The following PSD4 variants were observed in gnomAD, a reference collection of about 807,000 sequenced individuals.
The protein encoded by PSD4 is pleckstrin and Sec7 domain containing 4, also known as PH and SEC7 domain-containing protein 4.
A neutral mutation model predicts 112.5 loss-of-function variants in PSD4; 59 were observed. That is an observed-to-expected ratio of 0.52 (90% CI 0.43 to 0.65). The LOEUF is 0.65. Among genes scored for constraint, PSD4 ranks in the 30% least tolerant of loss-of-function variants. The pLI, the probability that PSD4 is intolerant of heterozygous loss-of-function variation, is 0.00. For synonymous variants in PSD4, 533 were observed against 540.0 expected (o/e 0.99, Z 0.18); for missense variants, 1,267 against 1,352.6 (o/e 0.94, Z 0.99).
rs755762353 is a variant in PSD4 at position 113,185,376 on chromosome 2, C to T, written c.1185C>T (p.Ser395=). The T allele has an allele frequency of 1.2e-6, 2 of 1,614,172 alleles. No homozygotes were observed. Among genetic ancestry groups the T allele is most frequent in the Non-Finnish European group, 1.7e-6 (2 of 1,180,030 alleles). Residue 395 remains serine, a synonymous_variant, in exon 4 of 17, where the codon AGC becomes AGT. Coordinates refer to ENST00000245796, the MANE Select transcript of PSD4 (RefSeq NM_012455.3). ...AHPVQPWASL[S]PEGWQRGGPF... Reference sequence around the variant, plus strand: ...GCCTCTCTCAACAGGCCTCTCTCAGCCCTGAGGGCTGGCAGAGAGGAGGTC... The same window carrying T: ...GCCTCTCTCAACAGGCCTCTCTCAGTCCTGAGGGCTGGCAGAGAGGAGGTC...
rs767770918 is a variant in PSD4, at chr2:113,197,726, C to G, written c.2458-21C>G. On this transcript the variant is annotated intron_variant, in intron 13 of 16. Transcript: ENST00000245796. ...TGGGCAGCTGATGATAACCTCTTCTCTGAGCCCCTGTGACTGGTAGCAGGG... is the reference window on the plus strand; with the variant it reads ...TGGGCAGCTGATGATAACCTCTTCTGTGAGCCCCTGTGACTGGTAGCAGGG... The G allele has an allele frequency of 4.4e-6, 7 of 1,607,782 alleles. No homozygotes were observed. In the Admixed American group the frequency reaches 5.0e-5, roughly 12 times the overall value.
At chr2:113,201,130 C>A (rs1335293708) in intron 16 of PSD4, 28 bp from the exon 17 acceptor site, 2 of 1,586,408 alleles carry the variant, frequency 1.3e-6, no homozygotes, top group Admixed American at 1.7e-5. Flanking sequence ...CAGGATGGTG[C>A]TAAGGTGGTG....
intron 12 of PSD4, among the ~76,000 whole-genome samples, chr2:113,196,783 G>A (rs1199107460): frequency 6.6e-6 from 1 of 152,234 alleles, no homozygotes; most frequent in Non-Finnish European, 1.5e-5. Context: ...ATCCCCCACA[G>A]AGAAAACAGC....
At chr2:113,182,011 G>A (rs980488241) in intron 1 of PSD4, among the ~76,000 whole-genome samples, 1 of 151,270 alleles carries the variant, frequency 6.6e-6, no homozygotes, top group African/African-American at 2.4e-5. Context: ...AGTTCCTGCT[G>A]CCAACCACCT....
At chr2:113,198,579 A>T in intron 14 of PSD4, 161 bp from the exon 15 acceptor site, 2 of 808,182 alleles carry the variant, frequency 2.5e-6, no homozygotes, top group Non-Finnish European at 3.5e-6. Context: ...AAGAAATGCC[A>T]CGGTCAGAGG....
Position 113,183,011 on chromosome 2 carries a change from A to T in PSD4, c.555A>T (p.Lys185Asn), listed in dbSNP as rs753334502. 1.2e-6 allele frequency: 2 copies of T among 1,614,090 alleles called. No individual in the cohort carries two copies. Among genetic ancestry groups the T allele is most frequent in the Non-Finnish European group, 1.7e-6 (2 of 1,179,980 alleles). Residue 185 changes from lysine (K) to asparagine (N), a missense_variant, in exon 2 of 17, where the codon AAA becomes AAT. Coordinates refer to ENST00000245796, the MANE Select transcript of PSD4 (RefSeq NM_012455.3). ...EKTEGLKAGL[K>N]CCLPTPPVDL... is the part of the protein sequence containing the mutation. ...CGGAAGGGCTCAAGGCTGGGCTGAA[A>T]TGCTGTCTCCCCACGCCCCCTGTGG...
At position 113,198,902 on chromosome 2, in the gene PSD4, G is replaced by A; in HGVS notation, c.2769+18G>A. 1 of 1,566,148 alleles carries A rather than the reference G, an allele frequency of 6.4e-7. No homozygotes were observed. On this transcript the variant is annotated intron_variant, in intron 15 of 16. Coordinates refer to ENST00000245796, the MANE Select transcript of PSD4 (RefSeq NM_012455.3). ...GCTCCCTGGTACGGCCTCCGGGAAGGGGTGGGGTCCGGCGGAACTGGGAAT... is the reference window on the plus strand; with the variant it reads ...GCTCCCTGGTACGGCCTCCGGGAAGAGGTGGGGTCCGGCGGAACTGGGAAT...
Position 113,195,633 on chromosome 2 carries a change from G to C in PSD4, c.2182-94G>C, listed in dbSNP as rs1047677762. On this transcript the variant is annotated intron_variant, in intron 10 of 16. Transcript: ENST00000245796. ...ATGTTGTGGGTGGAGGAGGCAGGCT[G>C]TACACATGCCCCTATCCTACCTCTG... 6 of 1,392,960 alleles carry C rather than the reference G, an allele frequency of 4.3e-6. No individual in the cohort carries two copies. In the African/African-American group the frequency reaches 8.5e-5, roughly 20 times the overall value. 86.3% of individuals were successfully genotyped at this position (1,392,960 alleles called of 1,614,324 possible). A position where few individuals can be genotyped will look rare whatever the true frequency, so the allele number is the denominator to read the frequency against.
intron 6 of PSD4, 126 bp downstream of exon 6, chr2:113,192,715 CT>C: frequency 1.0e-6 from 1 of 994,154 alleles, no homozygotes. Flanking sequence ...ATCTCCCCTC[CT>C]AACTTTTCCC....
At chr2:113,190,555 C>T (rs143933700) in intron 5 of PSD4, among the ~76,000 whole-genome samples, 1 of 152,298 alleles carries the variant, frequency 6.6e-6, no homozygotes, top group African/African-American at 2.4e-5. Flanking sequence ...CCACTTCAGC[C>T]TCCCAAGTAA....
chr2:113,204,056 C>G lies in PSD4; in HGVS notation c.*2641C>G, dbSNP rs45572031. 6.6e-6 allele frequency: 1 copy of G among 152,366 alleles called. No homozygotes were observed. The highest frequency in any genetic ancestry group is 2.4e-5 in the African/African-American group (1 of 41,568). The allele number at this position is 152,366 out of a possible 1,614,324, so 9.4% of individuals were successfully genotyped here. On this transcript the variant is annotated 3_prime_UTR_variant, in exon 17 of 17. Transcript: ENST00000245796. ...GCCCAGGCACCTCTGCCTGGAGGGT[C>G]TGGGTTGTGGGCTGCAGTTATGACA...
intron 2 of PSD4, 25 bp downstream of exon 2, chr2:113,183,537 C>T (rs765206916): frequency 2.2e-5 from 34 of 1,511,816 alleles, no homozygotes; most frequent in South Asian, 5.2e-5. Context: ...GGGAACCAAC[C>T]GGGGCTGTGC....
chr2:113,181,002 G>C (rs901230915), intron 1 of PSD4, among the ~76,000 whole-genome samples: 1 of 151,736 alleles, frequency 6.6e-6, no homozygotes, highest in East Asian at 1.9e-4. Context: ...CAGATCACTT[G>C]AGGTCAGGAG....
At position 113,206,723 on chromosome 2, in the gene PSD4, AT is replaced by A. The variant is rs1166378556; in HGVS notation, c.*5310del. ...AGAAGGGACACCTGTGAGGTTAGCT[AT>A]TAATTCATAGCCTCACCAGACTTAC... On this transcript the variant is annotated 3_prime_UTR_variant, in exon 17 of 17. Transcript: ENST00000245796. 8.5e-5 allele frequency: 13 copies of A among 152,272 alleles called. No individual in the cohort carries two copies. Among genetic ancestry groups the A allele is most frequent in the Non-Finnish European group, 1.9e-4 (13 of 68,060 alleles). The allele number at this position is 152,272 out of a possible 1,614,324, so 9.4% of individuals were successfully genotyped here.
In PSD4 at chr2:113,192,457, G is replaced by T. The variant is rs763106519; in HGVS notation, c.1706G>T (p.Gly569Val). Residue 569 changes from glycine (G) to valine (V), a missense_variant, in exon 6 of 17, where the codon GGC becomes GTC. Transcript: ENST00000245796. The part of the protein sequence containing the change: ...PMPQAQSPEE[G>V]QRPPAGDKLA... ...CCCCAAGCACAGTCCCCAGAGGAAG[G>T]CCAGAGACCACCAGCTGGAGACAAG... 1.9e-6 allele frequency: 3 copies of T among 1,614,224 alleles called. No homozygotes were observed. The highest frequency in any genetic ancestry group is 1.7e-6 in the Non-Finnish European group (2 of 1,180,040).
At chr2:113,192,720 T>G in intron 6 of PSD4, 131 bp downstream of exon 6, 4 of 912,298 alleles carry the variant, frequency 4.4e-6, no homozygotes, top group Non-Finnish European at 6.6e-6. Flanking sequence ...CCCTCCTAAC[T>G]TTTCCCCCAT....
rs907643844 is a variant in PSD4, at chr2:113,208,839, A to T, written c.*7424A>T. On this transcript the variant is annotated 3_prime_UTR_variant, in exon 17 of 17. Coordinates refer to ENST00000245796, the MANE Select transcript of PSD4 (RefSeq NM_012455.3). ...TAGTCATGGTCATGGGCTAATCTGT[A>T]TATGAAAACCCACTTGAAAGAAATC... 2 of 152,222 alleles carry T rather than the reference A, an allele frequency of 1.3e-5. No individual in the cohort carries two copies. Among genetic ancestry groups the T allele is most frequent in the African/African-American group, 4.8e-5 (2 of 41,454 alleles). The allele number at this position is 152,222 out of a possible 1,614,324, so 9.4% of individuals were successfully genotyped here.
chr2:113,192,054 C>A (rs1688456078), intron 5 of PSD4, among the ~76,000 whole-genome samples: 2 of 151,766 alleles, frequency 1.3e-5, no homozygotes, highest in Non-Finnish European at 2.9e-5. Context: ...ATCCCACGTG[C>A]CTTGCATTGG....
chr2:113,187,746 A>G (rs1314050518), intron 5 of PSD4, among the ~76,000 whole-genome samples: 1 of 152,244 alleles, frequency 6.6e-6, no homozygotes, highest in Non-Finnish European at 1.5e-5. Context: ...AGTCATCATA[A>G]TATGAAAACG....
Sources: allele counts gnomAD v4.1 joint callset (sites outside exome capture counted in the v4.1 genomes callset), GRCh38; gene constraint gnomAD v4.1.1; transcripts MANE v1.5; gene names NCBI Gene and HGNC (gene_info 2026-07-23, HGNC 2026-07-21).